The following RALGAPB variants were observed in gnomAD, a reference collection of about 807,000 sequenced individuals.
The protein encoded by RALGAPB is Ral GTPase activating protein non-catalytic subunit beta, also known as ral GTPase-activating protein subunit beta.
Under a neutral mutation model 161.1 loss-of-function variants are expected in RALGAPB, and 25 were observed. That is an observed-to-expected ratio of 0.16 (90% CI 0.11 to 0.22). The LOEUF is 0.22. RALGAPB is among the 10% of genes least tolerant of loss of function. The pLI, the probability that RALGAPB is intolerant of heterozygous loss-of-function variation, is 1.00. For missense variants in RALGAPB, 1,391 were observed against 1,815.2 expected (o/e 0.77, Z 4.25); for synonymous variants, 629 against 626.1 (o/e 1.00, Z -0.07).
At chr20:38,489,092 A>T (rs1256667740) in intron 2 of RALGAPB, among the ~76,000 whole-genome samples, 1 of 151,002 alleles carries the variant, frequency 6.6e-6, no homozygotes, top group African/African-American at 2.4e-5. Flanking sequence ...ATCCCTACCT[A>T]CTCCTTCCTG....
At chr20:38,574,720 A>T in intron 29 of RALGAPB, 54 bp from the exon 30 acceptor site, 1 of 1,490,380 alleles carries the variant, frequency 6.7e-7, no homozygotes, top group Non-Finnish European at 9.3e-7. Flanking sequence ...CTTACAGTTC[A>T]CCTACGTAAG....
chr20:38,539,287 T>A (rs1001909759), intron 16 of RALGAPB, among the ~76,000 whole-genome samples: 10 of 152,118 alleles, frequency 6.6e-5, no homozygotes, highest in African/African-American at 2.4e-4. Flanking sequence ...ATGAAGAGAT[T>A]TGGAGGTGAT....
At chr20:38,543,568 TGTC>T (rs2087050710) in intron 18 of RALGAPB, among the ~76,000 whole-genome samples, 1 of 152,208 alleles carries the variant, frequency 6.6e-6, no homozygotes, top group African/African-American at 2.4e-5. Flanking sequence ...CCTTCCTTGT[TGTC>T]TAAACTCCTC....
Position 38,557,409 on chromosome 20 carries a change from C to T in RALGAPB, c.3373-886C>T, listed in dbSNP as rs531027909. ...ACAATAGGGTTCACTCTGTGCTGTA[C>T]AGGTCTCTGGGGTTTGACAAGTGTA... is the stretch of plus-strand genomic sequence containing the variant. On this transcript the variant is annotated intron_variant, in intron 22 of 29. Transcript: ENST00000262879. Among the ~76,000 whole-genome samples, 3 of 152,280 alleles carry T rather than the reference C, an allele frequency of 2.0e-5. No individual in the cohort carries two copies. In the South Asian group the frequency reaches 6.2e-4, roughly 32 times the overall value.
At chr20:38,479,893 C>G (rs1266288459) in intron 1 of RALGAPB, among the ~76,000 whole-genome samples, 1 of 152,172 alleles carries the variant, frequency 6.6e-6, no homozygotes, top group African/African-American at 2.4e-5. Context: ...TCTACTATCC[C>G]TTCAGTGTAT....
intron 5 of RALGAPB, among the ~76,000 whole-genome samples, chr20:38,500,771 A>G (rs1411412474): frequency 6.6e-6 from 1 of 152,244 alleles, no homozygotes; most frequent in Non-Finnish European, 1.5e-5. Context: ...GAAATTAAAC[A>G]TGCTACACCA....
intron 6 of RALGAPB, among the ~76,000 whole-genome samples, chr20:38,513,646 C>CA (rs552989712): frequency 5.1e-3 from 465 of 91,606 alleles, no homozygotes; most frequent in Middle Eastern, 0.024. Context: ...AAGACTGTCT[C>CA]AAAAAAAAAA....
chr20:38,499,887 T>A, intron 5 of RALGAPB: 1 of 273,304 alleles, frequency 3.7e-6, no homozygotes, highest in Non-Finnish European at 6.8e-6. Flanking sequence ...CCACTCTTAT[T>A]TTGATCATTA....
chr20:38,574,259 C>T lies in RALGAPB; in HGVS notation c.4252C>T (p.Pro1418Ser). Residue 1418 changes from proline (P) to serine (S), a missense_variant, in exon 29 of 30, where the codon CCT (proline) becomes TCT (serine). This residue lies in a region of RALGAPB where 436 missense variants were observed against 527.0 expected (regional missense o/e 0.83). Transcript: ENST00000262879. ...CACTGGAAAATTTAATATGGTCATC[C>T]CTCTTGTGGATGGGATGATTGTCAG... Reference protein sequence around the residue: ...GATGKFNMVIPLVDGMIVSRR... With the variant: ...GATGKFNMVISLVDGMIVSRR... 2 of 1,613,406 alleles carry T rather than the reference C, an allele frequency of 1.2e-6. No homozygotes were observed. Among genetic ancestry groups the T allele is most frequent in the Non-Finnish European group, 1.7e-6 (2 of 1,179,680 alleles).
rs530899784 is a variant in RALGAPB, at chr20:38,516,496, C to T, written c.1051+126C>T. On this transcript the variant is annotated intron_variant, in intron 7 of 29. Coordinates refer to ENST00000262879, the MANE Select transcript of RALGAPB (RefSeq NM_020336.4). ...AACAGATTTGATGACAAATAACAAG[C>T]GAGGAAAAATTATTTGCAACAAATA... The T allele has an allele frequency of 6.0e-5, 57 of 948,400 alleles. No homozygotes were observed. The African/African-American group carries it at 8.2e-4, about 14-fold the overall frequency. The allele number at this position is 948,400 out of a possible 1,614,324, so 58.7% of individuals were successfully genotyped here.
At chr20:38,492,618 A>G (rs928561802) in intron 2 of RALGAPB, among the ~76,000 whole-genome samples, 1 of 152,186 alleles carries the variant, frequency 6.6e-6, no homozygotes, top group Non-Finnish European at 1.5e-5. Flanking sequence ...TCTAATCTCT[A>G]TGGAAATTTG....
Position 38,562,484 on chromosome 20 carries a change from T to C in RALGAPB, c.3532-48T>C, listed in dbSNP as rs749612993. ...ATTTTTATGAAGATTTATTTTGATATATTATTTTGTTTCCTTCATTATAGC... is the reference window on the plus strand; with the variant it reads ...ATTTTTATGAAGATTTATTTTGATACATTATTTTGTTTCCTTCATTATAGC... On this transcript the variant is annotated intron_variant, in intron 23 of 29. Transcript: ENST00000262879. 10 of 1,424,420 alleles carry C rather than the reference T, an allele frequency of 7.0e-6. 1 individual carries two copies. The South Asian group carries it at 8.2e-5, about 12-fold the overall frequency. 88.2% of individuals were successfully genotyped at this position (1,424,420 alleles called of 1,614,324 possible). A position where few individuals can be genotyped will look rare whatever the true frequency, so the allele number is the denominator to read the frequency against.
chr20:38,516,329 G>C lies in RALGAPB; in HGVS notation c.1010G>C (p.Arg337Pro). ...CLKHLPQIFF[R>P]AMRGISCLVD... ...AAACATCTGCCTCAAATATTTTTTCGTGCCATGCGTGGAATCAGCTGTCTG... is the reference window on the plus strand; with the variant it reads ...AAACATCTGCCTCAAATATTTTTTCCTGCCATGCGTGGAATCAGCTGTCTG... Residue 337 changes from arginine to proline, a missense_variant, in exon 7 of 30, where the codon CGT (arginine) becomes CCT (proline). By Grantham distance (103) the Arg-to-Pro change is moderately radical. Coordinates refer to ENST00000262879, the MANE Select transcript of RALGAPB (RefSeq NM_020336.4). 1 of 1,613,844 alleles carries C rather than the reference G, an allele frequency of 6.2e-7. No individual in the cohort carries two copies. The highest frequency in any genetic ancestry group is 1.1e-5 in the South Asian group (1 of 90,996).
At chr20:38,484,059 G>A (rs777408159) in intron 1 of RALGAPB, among the ~76,000 whole-genome samples, 25 of 152,016 alleles carry the variant, frequency 1.6e-4, no homozygotes, top group Non-Finnish European at 3.2e-4. Flanking sequence ...GGCGCCTGTA[G>A]TCCCAGCTAC....
chr20:38,483,623 A>T (rs372269455), intron 1 of RALGAPB, among the ~76,000 whole-genome samples: 1 of 152,202 alleles, frequency 6.6e-6, no homozygotes, highest in Admixed American at 6.5e-5. Flanking sequence ...AGGAAATGAC[A>T]TATCAGCCTG....
At position 38,493,164 on chromosome 20, in the gene RALGAPB, C is replaced by T. The variant is rs750744892; in HGVS notation, c.389+32C>T. 5 of 1,518,222 alleles carry T rather than the reference C, an allele frequency of 3.3e-6. No individual in the cohort carries two copies. The East Asian group carries it at 1.1e-4, about 34-fold the overall frequency. 94.0% of individuals were successfully genotyped at this position (1,518,222 alleles called of 1,614,324 possible). ...TATACCTGTCTATCTGGCCCATTATCAGGGTCATAGTAAAATATTCATAAA... is the reference window on the plus strand; with the variant it reads ...TATACCTGTCTATCTGGCCCATTATTAGGGTCATAGTAAAATATTCATAAA... On this transcript the variant is annotated intron_variant, in intron 3 of 29. Coordinates refer to ENST00000262879, the MANE Select transcript of RALGAPB (RefSeq NM_020336.4).
chr20:38,523,281 C>A (rs1296067200), intron 10 of RALGAPB, among the ~76,000 whole-genome samples: 1 of 152,170 alleles, frequency 6.6e-6, no homozygotes, highest in African/African-American at 2.4e-5. Context: ...TGTCTCTGGT[C>A]TAGTCAGCTA....
chr20:38,518,068 T>C lies in RALGAPB; in HGVS notation c.1417+68T>C. On this transcript the variant is annotated intron_variant, in intron 9 of 29. Coordinates refer to ENST00000262879, the MANE Select transcript of RALGAPB (RefSeq NM_020336.4). ...CCTTTTTCTTTTTCTTTTTAGTCTT[T>C]CCTACCTGCAAGATTAATATGTATC... is the stretch of plus-strand genomic sequence containing the variant. The C allele has an allele frequency of 2.8e-6, 4 of 1,412,980 alleles. No homozygotes were observed. In the South Asian group the frequency reaches 3.6e-5, roughly 13 times the overall value. 87.5% of individuals were successfully genotyped at this position (1,412,980 alleles called of 1,614,324 possible).
intron 18 of RALGAPB, among the ~76,000 whole-genome samples, chr20:38,544,378 C>G (rs1176745122): frequency 2.0e-5 from 3 of 151,122 alleles, no homozygotes; most frequent in African/African-American, 7.3e-5. Context: ...TACAAAGATT[C>G]AAGTACCTTT....
Sources: allele counts gnomAD v4.1 joint callset (sites outside exome capture counted in the v4.1 genomes callset), GRCh38; gene constraint gnomAD v4.1.1; regional missense constraint gnomAD v4.1.1; transcripts MANE v1.5; gene names NCBI Gene and HGNC (gene_info 2026-07-23, HGNC 2026-07-21).